CDH23: variants seen among roughly 807,000 people sequenced by gnomAD.
CDH23 encodes cadherin related 23, also known as cadherin-23.
CDH23 carries 189 observed loss-of-function variants against 317.1 expected under a neutral mutation model. The ratio of observed to expected loss-of-function variants is 0.60; its 90% confidence interval spans 0.53 to 0.67. The LOEUF (loss-of-function observed/expected upper bound fraction) is 0.67. Ranked by LOEUF, CDH23 falls within the 30% of genes least tolerant of loss-of-function variation. The pLI is 0.00. For synonymous variants in CDH23, 1,839 were observed against 1,876.8 expected (o/e 0.98, Z 0.52); for missense variants, 4,401 against 4,592.4 (o/e 0.96, Z 1.20).
intron 3 of CDH23, among the ~76,000 whole-genome samples, chr10:71,454,849 T>TA (rs1044768975): frequency 6.6e-4 from 97 of 147,294 alleles, no homozygotes; most frequent in African/African-American, 1.4e-3. Flanking sequence ...CATTTTATTT[T>TA]TTTTTTTTTT....
At chr10:71,646,076 C>T (rs1470912504) in intron 13 of CDH23, 96 bp downstream of exon 13, 4 of 1,431,870 alleles carry the variant, frequency 2.8e-6, no homozygotes, top group Middle Eastern at 2.5e-4. Context: ...TCCCACCTTC[C>T]ACTGCTGCCC....
chr10:71,574,075 CCTGG>C (rs2132386561), intron 8 of CDH23, among the ~76,000 whole-genome samples: 1 of 152,224 alleles, frequency 6.6e-6, no homozygotes, highest in Admixed American at 6.5e-5. Context: ...TGAGATGCAC[CCTGG>C]CCTGTTCTGC....
intron 10 of CDH23, among the ~76,000 whole-genome samples, chr10:71,616,863 G>C (rs1349412892): frequency 6.6e-6 from 1 of 152,202 alleles, no homozygotes; most frequent in Non-Finnish European, 1.5e-5. Context: ...CAAAGAGAAT[G>C]AAGACTTCCC....
intron 3 of CDH23, among the ~76,000 whole-genome samples, chr10:71,504,905 C>T (rs891467291): frequency 2.0e-5 from 3 of 152,180 alleles, no homozygotes; most frequent in Non-Finnish European, 4.4e-5. Context: ...GACTTCTAAC[C>T]TGGCTGTGTG....
chr10:71,601,238 A>G (rs770827245), intron 9 of CDH23, among the ~76,000 whole-genome samples: 2 of 152,250 alleles, frequency 1.3e-5, no homozygotes, highest in Non-Finnish European at 2.9e-5. Flanking sequence ...ATTAAAGGCC[A>G]TGGCTTCAAA....
At chr10:71,770,102 C>T (rs1244515029) in intron 38 of CDH23, among the ~76,000 whole-genome samples, 2 of 152,216 alleles carry the variant, frequency 1.3e-5, no homozygotes, top group Admixed American at 6.5e-5. Context: ...TGAAGCTCAC[C>T]AATGCCTTCC....
intron 38 of CDH23, among the ~76,000 whole-genome samples, chr10:71,759,874 C>CACACACACACATATATATAT (rs1564779205): frequency 1.4e-5 from 1 of 70,274 alleles, no homozygotes; most frequent in Admixed American, 1.6e-4. Flanking sequence ...CATATATATA[C>CACACACACACATATATATAT]ACACACACAC....
intron 42 of CDH23, among the ~76,000 whole-genome samples, chr10:71,784,683 T>C (rs1366298067): frequency 6.6e-6 from 1 of 152,224 alleles, no homozygotes; most frequent in Non-Finnish European, 1.5e-5. Context: ...CCTCTGCCTT[T>C]CCTGCTTCCC....
chr10:71,446,481 GTCATCTTC>G lies in CDH23; in HGVS notation c.145+87_145+94del, dbSNP rs1850175948. On this transcript the variant is annotated intron_variant, in intron 3 of 69. Coordinates refer to ENST00000224721, the MANE Select transcript of CDH23 (RefSeq NM_022124.6). ...AGTGAAGGGGATCTTACAGGTTGAG[GTCATCTTC>G]CACCTGATTTTGGAATCTTTTCCAT... The G allele has an allele frequency of 2.2e-6, 3 of 1,342,658 alleles. No individual in the cohort carries two copies. The African/African-American group carries it at 4.3e-5, about 19-fold the overall frequency. 83.2% of individuals were successfully genotyped at this position (1,342,658 alleles called of 1,614,324 possible).
chr10:71,561,760 T>C (rs973475124), intron 6 of CDH23, among the ~76,000 whole-genome samples: 2 of 151,880 alleles, frequency 1.3e-5, no homozygotes, highest in African/African-American at 4.8e-5. Context: ...TGCTCCCTGG[T>C]CCCCTGAAGG....
In CDH23 at chr10:71,813,122, T is replaced by C. The variant is rs1028048031; in HGVS notation, c.9634-122T>C. ...CACTGTCTCCAGGCTCTGCCGCTGATCCTCTGCCCTAGGATCACCAGGATC... is the reference window on the plus strand; with the variant it reads ...CACTGTCTCCAGGCTCTGCCGCTGACCCTCTGCCCTAGGATCACCAGGATC... On this transcript the variant is annotated intron_variant, in intron 68 of 69. Transcript: ENST00000224721. The C allele has an allele frequency of 8.8e-6, 10 of 1,139,860 alleles. No homozygotes were observed. The African/African-American group carries it at 1.5e-4, about 17-fold the overall frequency. The allele number at this position is 1,139,860 out of a possible 1,614,324, so 70.6% of individuals were successfully genotyped here.
At chr10:71,607,037 C>T (rs1385198488) in intron 9 of CDH23, among the ~76,000 whole-genome samples, 1 of 152,226 alleles carries the variant, frequency 6.6e-6, no homozygotes, top group Non-Finnish European at 1.5e-5. Context: ...ATCCAGGATG[C>T]AGGCCCCTTT....
intron 9 of CDH23, among the ~76,000 whole-genome samples, chr10:71,585,270 A>G (rs1206470244): frequency 1.3e-5 from 2 of 152,200 alleles, no homozygotes; most frequent in Non-Finnish European, 2.9e-5. Flanking sequence ...TGGCCTAGGC[A>G]GAAAGGGGCA....
chr10:71,589,159 AC>A (rs1255429203), intron 9 of CDH23, among the ~76,000 whole-genome samples: 3 of 151,846 alleles, frequency 2.0e-5, no homozygotes, highest in African/African-American at 7.3e-5. Flanking sequence ...TCACTCTGTC[AC>A]TCAGGCTGGA....
At chr10:71,429,499 G>C (rs1351137540) in intron 1 of CDH23, among the ~76,000 whole-genome samples, 1 of 152,196 alleles carries the variant, frequency 6.6e-6, no homozygotes, top group Non-Finnish European at 1.5e-5. Flanking sequence ...TTCTGAAGAG[G>C]AGTGAAGGGC....
chr10:71,707,200 C>T (rs1026261943), intron 26 of CDH23, 151 bp downstream of exon 26: 14 of 1,506,536 alleles, frequency 9.3e-6, no homozygotes, highest in Middle Eastern at 1.7e-4. Context: ...TGGTGCCTCC[C>T]GAGGATTTGC....
intron 38 of CDH23, among the ~76,000 whole-genome samples, chr10:71,770,319 G>A (rs1477726996): frequency 2.0e-5 from 3 of 152,244 alleles, no homozygotes; most frequent in Non-Finnish European, 4.4e-5. Context: ...AGAGGGAGGG[G>A]AACTTGCTCA....
At chr10:71,783,594 C>T (rs1405232542) in intron 41 of CDH23, among the ~76,000 whole-genome samples, 2 of 152,226 alleles carry the variant, frequency 1.3e-5, no homozygotes, top group Non-Finnish European at 2.9e-5. Context: ...AGACATCGGG[C>T]CCTGCAGCCC....
intron 1 of CDH23, among the ~76,000 whole-genome samples, chr10:71,424,737 G>A (rs775508672): frequency 6.6e-6 from 1 of 152,218 alleles, no homozygotes; most frequent in Non-Finnish European, 1.5e-5. Context: ...TGGGCAGGCT[G>A]GGGGGAAGCC....
Sources: gnomAD v4.1 joint callset for allele counts (sites outside exome capture counted in the v4.1 genomes callset) on GRCh38, gnomAD v4.1.1 for gene constraint, MANE v1.5 for transcripts, NCBI Gene and HGNC (gene_info 2026-07-23, HGNC 2026-07-21) for gene names.